Variants in FLG2 observed in about 807,000 individuals in gnomAD.
FLG2 encodes the protein filaggrin-2.
In FLG2, 7 loss-of-function variants were observed where a neutral mutation model predicts 3.9. That is an observed-to-expected ratio of 1.79 (90% confidence interval 1.02 to 3.36). The LOEUF (loss-of-function observed/expected upper bound fraction) is 3.36. Among genes scored for constraint, FLG2 ranks in the 30% most tolerant of loss-of-function variants. The pLI is 0.00. For synonymous variants in FLG2, 1,031 were observed against 1,056.1 expected, an observed-to-expected ratio of 0.98 and a Z score of 0.46; for missense variants, 2,700 against 2,809.4, an observed-to-expected ratio of 0.96 and a Z score of 0.88.
rs758371768 is a variant in FLG2, at chr1:152,356,437, C to T, written c.1349G>A (p.Gly450Asp). The change falls in exon 3 of 3, where the codon GGT becomes GAT. Residue 450 changes from glycine to aspartate, a missense_variant. Physicochemically the swap from Gly to Asp is moderately conservative, Grantham distance 94. Coordinates refer to ENST00000388718, the MANE Select transcript of FLG2 (RefSeq NM_001014342.3). ...AGACTCATGCTGGCCACAAGTTTGA[C>T]CTGAGCCACATACATGTTGTTCGAA... Reference protein sequence around the residue: ...SGFEQHVCGSGQTCGQHESTS... With the variant: ...SGFEQHVCGSDQTCGQHESTS... 5 of 1,614,254 alleles carry T rather than the reference C, an allele frequency of 3.1e-6. No individual in the cohort carries two copies. The highest frequency in any genetic ancestry group is 4.2e-6 in the Non-Finnish European group (5 of 1,180,050).
chr1:152,354,131 C>A lies in FLG2; in HGVS notation c.3655G>T (p.Gly1219Cys). ...TCTACTTGTTGAGATTCACCCTGGC[C>A]CAAGCCAGTTGATTGACCTGAGCCT... ...GSGSGQSTGLGQGESQQVESG... is the reference protein window; with the variant it reads ...GSGSGQSTGLCQGESQQVESG... Residue 1219 changes from glycine to cysteine, a missense_variant, in exon 3 of 3, where the codon GGC becomes TGC. Physicochemically the swap from Gly to Cys is radical, Grantham distance 159. Transcript: ENST00000388718. The A allele has an allele frequency of 1.9e-6, 3 of 1,614,266 alleles. No homozygotes were observed. Among genetic ancestry groups the A allele is most frequent in the Non-Finnish European group, 2.5e-6 (3 of 1,180,056 alleles).
chr1:152,356,016 G>A lies in FLG2; in HGVS notation c.1770C>T (p.Ser590=), dbSNP rs1438077269. Residue 590 remains serine, a synonymous_variant, in exon 3 of 3, where the codon TCC becomes TCT. Coordinates refer to ENST00000388718, the MANE Select transcript of FLG2 (RefSeq NM_001014342.3). ...CAGACCCATGTTGTCCAAAGCCAGA[G>A]GACTGACCTGAGCCCGATCCATATT... ...FGQYGSGSGQ[S]SGFGQHGSGS... is the part of the protein sequence containing the mutation. The A allele has an allele frequency of 3.7e-6, 6 of 1,613,138 alleles. No individual in the cohort carries two copies. Among genetic ancestry groups the A allele is most frequent in the African/African-American group, 1.3e-5 (1 of 74,630 alleles).
At position 152,355,920 on chromosome 1, in the gene FLG2, A is replaced by T. The variant is rs1654206674; in HGVS notation, c.1866T>A (p.Ser622Arg). The T allele has an allele frequency of 6.2e-7, 1 of 1,605,900 alleles. No individual in the cohort carries two copies. The highest frequency in any genetic ancestry group is 8.5e-7 in the Non-Finnish European group (1 of 1,177,146). Residue 622 changes from serine (S) to arginine (R), a missense_variant, in exon 3 of 3, where the codon AGT (serine) becomes AGA (arginine). Transcript: ENST00000388718. ...AGCCAGATGACTGACTTGAGCCAGA[A>T]CTGTGTTGGCCATAACTAGACTGAC... is the stretch of plus-strand genomic sequence containing the variant. ...RSGQSSYGQH[S>R]SGSSQSSGYG...
In FLG2 at chr1:152,351,476, C is replaced by A; in HGVS notation, c.6310G>T (p.Gly2104Cys). 5.6e-6 allele frequency: 9 copies of A among 1,610,142 alleles called. No homozygotes were observed. The highest frequency in any genetic ancestry group is 7.6e-6 in the Non-Finnish European group (9 of 1,178,990). ...GSRTAGRRGSGHSESSDSEVH... is the reference protein window; with the variant it reads ...GSRTAGRRGSCHSESSDSEVH... ...TCACTGTCACTGGACTCACTGTGGC[C>A]AGATCCCCTTCTTCCAGCTGTCCTT... The change falls in exon 3 of 3, where the codon GGC (glycine) becomes TGC (cysteine). Residue 2104 changes from glycine (G) to cysteine (C), a missense_variant. Coordinates refer to ENST00000388718, the MANE Select transcript of FLG2 (RefSeq NM_001014342.3).
chr1:152,353,743 C>T lies in FLG2; in HGVS notation c.4043G>A (p.Ser1348Asn). Residue 1348 changes from serine to asparagine, a missense_variant, in exon 3 of 3, where the codon AGT becomes AAT. Coordinates refer to ENST00000388718, the MANE Select transcript of FLG2 (RefSeq NM_001014342.3). ...GTGCACTTCACTGTCAGTGGCATCA[C>T]TGTGGCTAAATCTCTGTCTTCCAGA... ...RTSGRQRFSH[S>N]DATDSEVHSG... The T allele has an allele frequency of 1.2e-6, 2 of 1,614,192 alleles. No homozygotes were observed. The highest frequency in any genetic ancestry group is 1.7e-6 in the Non-Finnish European group (2 of 1,180,038).
In FLG2 at chr1:152,351,860, G is replaced by A; in HGVS notation, c.5926C>T (p.His1976Tyr). Residue 1976 changes from histidine (H) to tyrosine (Y), a missense_variant, in exon 3 of 3, where the codon CAC (histidine) becomes TAC (tyrosine). Transcript: ENST00000388718. ...GVSHTHSGHT[H>Y]GQAGSHYPES... is the part of the protein sequence containing the mutation. Reference sequence around the variant, plus strand: ...GGATAGTGAGATCCAGCTTGACCGTGAGTGTGTCCTGAATGTGTGTGTGAG... The same window carrying A: ...GGATAGTGAGATCCAGCTTGACCGTAAGTGTGTCCTGAATGTGTGTGTGAG... 6.2e-7 allele frequency: 1 copy of A among 1,610,910 alleles called. No individual in the cohort carries two copies. The highest frequency in any genetic ancestry group is 8.5e-7 in the Non-Finnish European group (1 of 1,179,200).
chr1:152,356,013 A>G lies in FLG2; in HGVS notation c.1773T>C (p.Ser591=), dbSNP rs1206271082. The change falls in exon 3 of 3, where the codon TCT becomes TCC. Residue 591 remains serine, a synonymous_variant. Transcript: ENST00000388718. ...AGCCAGACCCATGTTGTCCAAAGCC[A>G]GAGGACTGACCTGAGCCCGATCCAT... ...GQYGSGSGQS[S]GFGQHGSGSG... is the part of the protein sequence containing the mutation. The G allele has an allele frequency of 1.2e-6, 2 of 1,613,680 alleles. No homozygotes were observed. The highest frequency in any genetic ancestry group is 2.7e-5 in the African/African-American group (2 of 74,834).
chr1:152,355,780 C>T lies in FLG2; in HGVS notation c.2006G>A (p.Gly669Glu). ...GSGSGQSSGF[G>E]QHVSGSGQSS... ...TTGTCCTGAGCCAGAAACATGTTGT[C>T]CAAAGCCAGAGGACTGACCTGAGCC... The change falls in exon 3 of 3, where the codon GGA becomes GAA. Residue 669 changes from glycine (G) to glutamate (E), a missense_variant. Physicochemically the swap from Gly to Glu is moderately conservative, Grantham distance 98. Transcript: ENST00000388718. The T allele has an allele frequency of 6.2e-7, 1 of 1,613,366 alleles. No homozygotes were observed. The highest frequency in any genetic ancestry group is 1.7e-4 in the Middle Eastern group (1 of 6,046).
Position 152,356,243 on chromosome 1 carries a change from A to C in FLG2, c.1543T>G (p.Ser515Ala), listed in dbSNP as rs775289002. The C allele has an allele frequency of 2.5e-6, 4 of 1,613,700 alleles. No homozygotes were observed. The African/African-American group carries it at 5.3e-5, about 22-fold the overall frequency. Residue 515 changes from serine (S) to alanine (A), a missense_variant, in exon 3 of 3, where the codon TCC becomes GCC. Ser to Ala is a moderately conservative substitution (Grantham distance 99). Coordinates refer to ENST00000388718, the MANE Select transcript of FLG2 (RefSeq NM_001014342.3). ...FGQHGSVSGQ[S>A]SGFGQHGSVS... ...GACCCATGCTGTCCAAAACCAGAGG[A>C]TTGTCCTGAGACAGACCCATGCTGT...
In FLG2 at chr1:152,357,449, TTTC is replaced by T. The variant is rs1654288188; in HGVS notation, c.334_336del (p.Glu112del). 1.2e-6 allele frequency: 2 copies of T among 1,614,162 alleles called. No homozygotes were observed. Among genetic ancestry groups the T allele is most frequent in the Non-Finnish European group, 1.7e-6 (2 of 1,180,034 alleles). On this transcript the variant is annotated inframe_deletion, in exon 3 of 3. Transcript: ENST00000388718. ...TCCTCTTCATCCTCTTCTGTTTCAC[TTTC>T]TTCTTCTTGGTGTCGGTGACCACGC...
At position 152,356,482 on chromosome 1, in the gene FLG2, C is replaced by T. The variant is rs188678055; in HGVS notation, c.1304G>A (p.Gly435Asp). 6.2e-7 allele frequency: 1 copy of T among 1,614,146 alleles called. No homozygotes were observed. Among genetic ancestry groups the T allele is most frequent in the African/African-American group, 1.3e-5 (1 of 74,946 alleles). Reference protein sequence around the residue: ...QSTSFEQHGTGLSQSSGFEQH... With the variant: ...QSTSFEQHGTDLSQSSGFEQH... ...TTCGAACCCAGAGGACTGACTCAAG[C>T]CTGTTCCATGTTGTTCAAAGCTAGT... Residue 435 changes from glycine (G) to aspartate (D), a missense_variant, in exon 3 of 3, where the codon GGC becomes GAC. By Grantham distance (94) the Gly-to-Asp change is moderately conservative (BLOSUM62 -1). Coordinates refer to ENST00000388718, the MANE Select transcript of FLG2 (RefSeq NM_001014342.3).
chr1:152,351,613 T>TA lies in FLG2; in HGVS notation c.6172_6173insT (p.His2058LeufsTer10), dbSNP rs1653926274. 1 of 1,611,018 alleles carries TA rather than the reference T, an allele frequency of 6.2e-7. No individual in the cohort carries two copies. Among genetic ancestry groups the TA allele is most frequent in the African/African-American group, 1.3e-5 (1 of 74,074 alleles). ...ATGAACTGAGGATCCTGACTCTCCA[T>TA]GTTGAGATCCGGCTTGGCCATGAGC... On this transcript the variant is annotated frameshift_variant, in exon 3 of 3. Transcript: ENST00000388718. LOFTEE classifies it low-confidence loss of function (END_TRUNC).
rs1377907185 is a variant in FLG2 at position 152,354,355 on chromosome 1, T to C, written c.3431A>G (p.His1144Arg). 6 of 1,614,028 alleles carry C rather than the reference T, an allele frequency of 3.7e-6. No homozygotes were observed. Among genetic ancestry groups the C allele is most frequent in the South Asian group, 3.3e-5 (3 of 91,090 alleles). Reference protein sequence around the residue: ...GTGKSSGFAQHEYRSGQSSYG... With the variant: ...GTGKSSGFAQREYRSGQSSYG... ...GCTAGACTGACCTGATCTGTACTCA[T>C]GCTGTGCAAAGCCAGAGGATTTACC... Residue 1144 changes from histidine to arginine, a missense_variant, in exon 3 of 3, where the codon CAT becomes CGT. Physicochemically the swap from His to Arg is conservative, Grantham distance 29 (BLOSUM62 0). Transcript: ENST00000388718.
Position 152,355,617 on chromosome 1 carries a change from C to T in FLG2, c.2169G>A (p.Glu723=). 1 of 1,613,224 alleles carries T rather than the reference C, an allele frequency of 6.2e-7. No homozygotes were observed. The highest frequency in any genetic ancestry group is 8.5e-7 in the Non-Finnish European group (1 of 1,179,888). Residue 723 remains glutamate (E), a synonymous_variant, in exon 3 of 3, where the codon GAG becomes GAA. Coordinates refer to ENST00000388718, the MANE Select transcript of FLG2 (RefSeq NM_001014342.3). ...AGCTGGAAGACTGACCTGAGCTTAA[C>T]TCGTGTTGTCCAAATCCAGATGTCT... ...SGQTSGFGQH[E]LSSGQSSSFG...
At position 152,357,638 on chromosome 1, in the gene FLG2, C is replaced by T. The variant is rs1654300540; in HGVS notation, c.148G>A (p.Asp50Asn). 2 of 1,611,106 alleles carry T rather than the reference C, an allele frequency of 1.2e-6. No individual in the cohort carries two copies. Among genetic ancestry groups the T allele is most frequent in the Non-Finnish European group, 8.5e-7 (1 of 1,178,564 alleles). ...ELHPVLKNPD[D>N]PDTVDVIMHM... The stretch of plus-strand genomic sequence containing the variant: ...ATGATGACATCCACTGTGTCTGGAT[C>T]ATCTGGGTTCTGTATATGAGTGACA... The change falls in exon 3 of 3, where the codon GAT (aspartate) becomes AAT (asparagine). Residue 50 changes from aspartate to asparagine, a missense_variant. Asp to Asn is a conservative substitution (Grantham distance 23). Coordinates refer to ENST00000388718, the MANE Select transcript of FLG2 (RefSeq NM_001014342.3).
intron 2 of FLG2, 29 bp from the exon 3 acceptor site, chr1:152,357,676 C>T (rs562117321): frequency 6.5e-7 from 1 of 1,540,212 alleles, no homozygotes; most frequent in Non-Finnish European, 8.9e-7. Context: ...CCAAGGGAGA[C>T]CTGGTCAGCC....
In FLG2 at chr1:152,351,201, T is replaced by G. The variant is rs1247849746; in HGVS notation, c.6585A>C (p.Thr2195=). The G allele has an allele frequency of 6.2e-7, 1 of 1,613,756 alleles. No individual in the cohort carries two copies. The highest frequency in any genetic ancestry group is 8.5e-7 in the Non-Finnish European group (1 of 1,179,922). Residue 2195 remains threonine, a synonymous_variant, in exon 3 of 3, where the codon ACA becomes ACC. Transcript: ENST00000388718. ...CTTGGCTGTGAGTGTGTCCTGAATGTGTGGGTGAGGCCTCTGAGTGCACTT... is the reference window on the plus strand; with the variant it reads ...CTTGGCTGTGAGTGTGTCCTGAATGGGTGGGTGAGGCCTCTGAGTGCACTT... The part of the protein sequence containing the change: ...DSEVHSEASP[T]HSGHTHSQAG...
rs878941758 is a variant in FLG2 at position 152,355,890 on chromosome 1, G to T, written c.1896C>A (p.Gly632=). Residue 632 remains glycine, a synonymous_variant, in exon 3 of 3, where the codon GGC becomes GGA. Transcript: ENST00000388718. ...CAGATGTCTGTCTAGACCCATGTTG[G>T]CCATAGCCAGATGACTGACTTGAGC... The part of the protein sequence containing the change: ...SSGSSQSSGY[G]QHGSRQTSGF... 2 of 1,604,280 alleles carry T rather than the reference G, an allele frequency of 1.2e-6. No homozygotes were observed. The highest frequency in any genetic ancestry group is 2.2e-5 in the South Asian group (2 of 90,596).
At position 152,352,325 on chromosome 1, in the gene FLG2, A is replaced by G. The variant is rs1361328982; in HGVS notation, c.5461T>C (p.Ser1821Pro). The change falls in exon 3 of 3, where the codon TCA (serine) becomes CCA (proline). Residue 1821 changes from serine to proline, a missense_variant. Physicochemically the swap from Ser to Pro is moderately conservative, Grantham distance 74 (BLOSUM62 -1). Coordinates refer to ENST00000388718, the MANE Select transcript of FLG2 (RefSeq NM_001014342.3). The stretch of plus-strand genomic sequence containing the variant: ...GCCTGGCCGTGAGTGTGTCCTCGTG[A>G]GTGTGGTCTTTGTGAGAACCCTGAG... ...GHSGFSQRPH[S>P]RGHTHGQAGS... The G allele has an allele frequency of 1.2e-6, 2 of 1,605,316 alleles. No homozygotes were observed. The highest frequency in any genetic ancestry group is 1.1e-5 in the South Asian group (1 of 90,704).
Sources: allele counts gnomAD v4.1 joint callset, GRCh38; gene constraint gnomAD v4.1.1; transcripts MANE v1.5; gene names NCBI Gene and HGNC (gene_info 2026-07-23, HGNC 2026-07-21).